Variants in MATCAP2 observed in about 807,000 individuals in gnomAD.
MATCAP2 encodes the protein putative tyrosine carboxypeptidase MATCAP2.
chr7:36,378,848 A>G, the MATCAP2 span, among the ~76,000 whole-genome samples: 1 of 152,276 alleles, frequency 6.6e-6, no homozygotes, highest in South Asian at 2.1e-4. Flanking sequence ...TCACAGTTCG[A>G]TCTCGGACTG....
At chr7:36,387,614 C>T in the MATCAP2 span, among the ~76,000 whole-genome samples, 1 of 152,006 alleles carries the variant, frequency 6.6e-6, no homozygotes, top group Admixed American at 6.6e-5. Context: ...GTGTTTCAGT[C>T]TTAGGAGTTA....
At chr7:36,389,558 G>A in the MATCAP2 span, among the ~76,000 whole-genome samples, 1 of 152,296 alleles carries the variant, frequency 6.6e-6, no homozygotes, top group African/African-American at 2.4e-5. Flanking sequence ...GAAGGAAGGC[G>A]GGAACACCCA....
At chr7:36,366,879 C>G in the MATCAP2 span, 27 of 1,474,338 alleles carry the variant, frequency 1.8e-5, no homozygotes, top group Non-Finnish European at 2.3e-5. Context: ...CGGTCCGCCC[C>G]GCACCCCCGC....
the MATCAP2 span, chr7:36,333,754 T>A: frequency 9.5e-7 from 1 of 1,058,064 alleles, no homozygotes; most frequent in Non-Finnish European, 1.4e-6. Flanking sequence ...AGATTTCATT[T>A]TTTTAAGTAA....
chr7:36,326,660 A>G, the MATCAP2 span: 78 of 1,083,992 alleles, frequency 7.2e-5, no homozygotes, highest in African/African-American at 1.1e-3. Flanking sequence ...AGAAAACACA[A>G]GTAGTCTTTC....
chr7:36,372,628 G>A, the MATCAP2 span, among the ~76,000 whole-genome samples: 1 of 152,166 alleles, frequency 6.6e-6, no homozygotes, highest in African/African-American at 2.4e-5. Flanking sequence ...ATTAAGGGAG[G>A]AAGGATGTTT....
At chr7:36,363,094 G>A in the MATCAP2 span, among the ~76,000 whole-genome samples, 1 of 152,138 alleles carries the variant, frequency 6.6e-6, no homozygotes, top group Non-Finnish European at 1.5e-5. Flanking sequence ...GTTGCCTGAC[G>A]GTTGAGGAAA....
chr7:36,367,175 T>C, the MATCAP2 span: 1 of 1,198,646 alleles, frequency 8.3e-7, no homozygotes. Flanking sequence ...ACGGCGGCCT[T>C]ACGGTGCCCA....
At chr7:36,364,592 T>C in the MATCAP2 span, among the ~76,000 whole-genome samples, 2 of 152,030 alleles carry the variant, frequency 1.3e-5, no homozygotes, top group East Asian at 3.9e-4. Context: ...CTTTTAGAGC[T>C]GAAAAAAAAA....
chr7:36,377,010 G>C, the MATCAP2 span, among the ~76,000 whole-genome samples: 1 of 151,842 alleles, frequency 6.6e-6, no homozygotes, highest in African/African-American at 2.4e-5. Flanking sequence ...ATTTGAGATG[G>C]GTCTCCTGAA....
chr7:36,334,963 A>T, the MATCAP2 span: 8 of 1,337,232 alleles, frequency 6.0e-6, no homozygotes, highest in African/African-American at 1.2e-4. Flanking sequence ...AATACTACTA[A>T]GAAAAAACCC....
the MATCAP2 span, chr7:36,383,918 C>G: frequency 6.6e-4 from 1,034 of 1,576,676 alleles, no homozygotes; most frequent in Non-Finnish European, 8.2e-4. Context: ...AGGTCTTGGC[C>G]TTTTCTCTCC....
chr7:36,331,590 T>C, the MATCAP2 span, among the ~76,000 whole-genome samples: 2 of 152,112 alleles, frequency 1.3e-5, no homozygotes, highest in Admixed American at 6.5e-5. Context: ...CAAACTGTGG[T>C]TTTAAAGCAT....
At chr7:36,337,328 A>G in the MATCAP2 span, among the ~76,000 whole-genome samples, 2 of 152,120 alleles carry the variant, frequency 1.3e-5, no homozygotes, top group African/African-American at 4.8e-5. Context: ...ACACATATGC[A>G]GAATGGAGAA....
the MATCAP2 span, chr7:36,330,855 T>C: frequency 3.5e-6 from 2 of 573,712 alleles, no homozygotes; most frequent in Non-Finnish European, 6.3e-6. Flanking sequence ...TGATACGACA[T>C]AAAGAAAATT....
At chr7:36,337,453 A>G in the MATCAP2 span, among the ~76,000 whole-genome samples, 1 of 152,182 alleles carries the variant, frequency 6.6e-6, no homozygotes, top group East Asian at 1.9e-4. Flanking sequence ...AAAAAAAGCT[A>G]CAAAATTCAA....
chr7:36,385,734 TGTGATC>T, the MATCAP2 span, among the ~76,000 whole-genome samples: 1 of 151,318 alleles, frequency 6.6e-6, no homozygotes, highest in Non-Finnish European at 1.5e-5. Context: ...TGCAGTGAGC[TGTGATC>T]GTGCCACTGC....
chr7:36,376,078 T>C, the MATCAP2 span, among the ~76,000 whole-genome samples: 131 of 152,214 alleles, frequency 8.6e-4, 2 homozygotes, highest in Non-Finnish European at 1.6e-4. Flanking sequence ...GTTTTTTGTG[T>C]CTCTATCTCC....
At chr7:36,360,279 T>C in the MATCAP2 span, among the ~76,000 whole-genome samples, 2 of 152,086 alleles carry the variant, frequency 1.3e-5, no homozygotes, top group African/African-American at 4.8e-5. Flanking sequence ...TTTTGTGCCA[T>C]CTGAAACAGC....
Sources: gnomAD v4.1 joint callset for allele counts (sites outside exome capture counted in the v4.1 genomes callset) on GRCh38, gnomAD v4.1.1 for gene constraint, MANE v1.5 for transcripts, NCBI Gene and HGNC (gene_info 2026-07-23, HGNC 2026-07-21) for gene names.